Variants in COQ7 observed in about 807,000 individuals in gnomAD.
The protein encoded by COQ7 is coenzyme Q7, hydroxylase, also known as NADPH-dependent 3-demethoxyubiquinone 3-hydroxylase, mitochondrial.
Under a neutral mutation model 25.0 loss-of-function variants are expected in COQ7, and 21 were observed. The ratio of observed to expected loss-of-function variants is 0.84; its 90% CI spans 0.60 to 1.21. COQ7 has a LOEUF of 1.21. Among genes scored for constraint, COQ7 ranks in the 50% most tolerant of loss-of-function variants. The pLI is 0.00. For missense variants in COQ7, 311 were observed against 296.2 expected (o/e 1.05, Z -0.37); for synonymous variants, 125 against 112.4 (o/e 1.11, Z -0.71).
In COQ7 at chr16:19,078,432, A is replaced by G. The variant is rs189337490; in HGVS notation, c.*274A>G. 192 of 221,324 alleles carry G rather than the reference A, an allele frequency of 8.7e-4. No individual in the cohort carries two copies. Among genetic ancestry groups the G allele is most frequent in the African/African-American group, 4.2e-3 (183 of 43,992 alleles). The allele number at this position is 221,324 out of a possible 1,614,324, so 13.7% of individuals were successfully genotyped here. A position where few individuals can be genotyped will look rare whatever the true frequency, so the allele number is the denominator to read the frequency against. On this transcript the variant is annotated 3_prime_UTR_variant, in exon 6 of 6. Transcript: ENST00000321998. ...TCTCATACTTAATTTTCTTTTATAT[A>G]CATGTTTTTCTTTTACATGCATATA...
At chr16:19,071,629 G>C (rs1309702883) in intron 1 of COQ7, among the ~76,000 whole-genome samples, 1 of 152,234 alleles carries the variant, frequency 6.6e-6, no homozygotes, top group Non-Finnish European at 1.5e-5. Flanking sequence ...GTGGGCCAGA[G>C]GGTTGGTGAA....
At chr16:19,069,409 C>CTTTTT (rs67523316) in intron 1 of COQ7, among the ~76,000 whole-genome samples, 4 of 119,350 alleles carry the variant, frequency 3.4e-5, no homozygotes, top group Non-Finnish European at 5.0e-5. Context: ...TGATTATTGC[C>CTTTTT]TTTTTTTTTT....
rs1218936085 is a variant in COQ7 at position 19,067,726 on chromosome 16, G to A, written c.62G>A (p.Arg21Gln). 6.2e-7 allele frequency: 1 copy of A among 1,604,960 alleles called. No individual in the cohort carries two copies. Among genetic ancestry groups the A allele is most frequent in the Admixed American group, 1.7e-5 (1 of 58,260 alleles). ...TGGCGGCTGCGCCCGGGGGCCCGGC[G>A]GTCCCTCTCAGGTAAAAGGAGGCGC... ...RLWRLRPGARRSLSAYGRRTS... is the reference protein window; with the variant it reads ...RLWRLRPGARQSLSAYGRRTS... Residue 21 changes from arginine (R) to glutamine (Q), a missense_variant, in exon 1 of 6, where the codon CGG becomes CAG. Coordinates refer to ENST00000321998, the MANE Select transcript of COQ7 (RefSeq NM_016138.5).
chr16:19,076,651 GT>G (rs1418427166), intron 4 of COQ7, among the ~76,000 whole-genome samples: 1 of 141,446 alleles, frequency 7.1e-6, no homozygotes, highest in Admixed American at 7.7e-5. Context: ...CTGGAGTGCA[GT>G]GGTCTCCGCC....
rs1002901097 is a variant in COQ7 at position 19,079,403 on chromosome 16, C to G, written c.*1245C>G. ...CTTAAGGTCTTTTACCACCTCCCCC[C>G]CAAAAAAATCCCCCAAAACTGATTC... On this transcript the variant is annotated 3_prime_UTR_variant, in exon 6 of 6. Coordinates refer to ENST00000321998, the MANE Select transcript of COQ7 (RefSeq NM_016138.5). The G allele has an allele frequency of 1.3e-5, 2 of 151,608 alleles. No homozygotes were observed. Among genetic ancestry groups the G allele is most frequent in the Admixed American group, 6.6e-5 (1 of 15,172 alleles). 9.4% of individuals were successfully genotyped at this position (151,608 alleles called of 1,614,324 possible).
downstream of COQ7, among the ~76,000 whole-genome samples, chr16:19,080,622 T>C (rs117025784): frequency 3.5e-3 from 529 of 152,230 alleles, 1 homozygote; most frequent in Non-Finnish European, 5.2e-3. Context: ...ATTGCCAAAA[T>C]AAGAATAATG....
intron 3 of COQ7, among the ~76,000 whole-genome samples, chr16:19,074,970 T>G (rs1398792765): frequency 6.6e-6 from 1 of 152,186 alleles, no homozygotes; most frequent in East Asian, 1.9e-4. Context: ...CTGTTCACTC[T>G]TTTAAAAAAC....
At chr16:19,068,889 A>AT (rs1962395099) in intron 1 of COQ7, 1 of 337,064 alleles carries the variant, frequency 3.0e-6, no homozygotes, top group Non-Finnish European at 5.8e-6. Flanking sequence ...GTGAGTAATC[A>AT]TTAAAAAAAA....
chr16:19,068,080 T>C (rs1035313833), intron 1 of COQ7: 2 of 1,152,976 alleles, frequency 1.7e-6, no homozygotes, highest in Non-Finnish European at 2.1e-6. Flanking sequence ...GTCTCTCTCT[T>C]TGTAGTCTTT....
Position 19,078,102 on chromosome 16 carries a change from A to AT in COQ7, c.598_599insT (p.Lys200IlefsTer54). On this transcript the variant is annotated frameshift_variant, in exon 6 of 6. Coordinates refer to ENST00000321998, the MANE Select transcript of COQ7 (RefSeq NM_016138.5). LOFTEE classifies it high-confidence loss of function. ...ACAGGCTCCAGCCTATGCCGTCCTG[A>AT]AGAGCATTATCCAGGCCGGATGCAG... 6.2e-7 allele frequency: 1 copy of AT among 1,611,556 alleles called. No homozygotes were observed. Among genetic ancestry groups the AT allele is most frequent in the East Asian group, 2.2e-5 (1 of 44,636 alleles).
In COQ7 at chr16:19,078,895, A is replaced by G. The variant is rs1156562563; in HGVS notation, c.*737A>G. 3 of 152,244 alleles carry G rather than the reference A, an allele frequency of 2.0e-5. No homozygotes were observed. Among genetic ancestry groups the G allele is most frequent in the African/African-American group, 7.2e-5 (3 of 41,470 alleles). 9.4% of individuals were successfully genotyped at this position (152,244 alleles called of 1,614,324 possible). ...TTGGCCAAGCAGAACTATGAAGTCC[A>G]TCAAGTAAGTCAAAGATCATCGTTT... On this transcript the variant is annotated 3_prime_UTR_variant, in exon 6 of 6. Coordinates refer to ENST00000321998, the MANE Select transcript of COQ7 (RefSeq NM_016138.5).
downstream of COQ7, among the ~76,000 whole-genome samples, chr16:19,081,465 A>G (rs939155338): frequency 2.0e-5 from 3 of 152,176 alleles, no homozygotes; most frequent in African/African-American, 4.8e-5. Flanking sequence ...TGTGATGAGT[A>G]AAGAATGTCA....
At chr16:19,082,896 A>G (rs1278526900), downstream of COQ7, among the ~76,000 whole-genome samples, 2 of 152,168 alleles carry the variant, frequency 1.3e-5, no homozygotes, top group Non-Finnish European at 2.9e-5. Flanking sequence ...AATGTCCAGA[A>G]TAGGCAAATC....
intron 2 of COQ7, among the ~76,000 whole-genome samples, 173 bp from the exon 3 acceptor site, chr16:19,073,748 C>T (rs116537657): frequency 7.4e-4 from 112 of 152,244 alleles, no homozygotes; most frequent in African/African-American, 2.6e-3. Flanking sequence ...TTCTCTTTGT[C>T]ACAGATTCCT....
intron 5 of COQ7, 84 bp downstream of exon 5, chr16:19,077,458 A>T: frequency 8.4e-7 from 1 of 1,188,164 alleles, no homozygotes; most frequent in East Asian, 2.4e-5. Flanking sequence ...TGCCAGAAAA[A>T]TACATTTTAA....
rs751205914 is a variant in COQ7 at position 19,067,762 on chromosome 16, T to A, written c.73+25T>A. 2.5e-6 allele frequency: 4 copies of A among 1,590,934 alleles called. No individual in the cohort carries two copies. In the South Asian group the frequency reaches 4.4e-5, roughly 18 times the overall value. ...GGTAAAAGGAGGCGCGCAGTCACAG[T>A]CCTGCGCCGGTCTAGCGAGCTAGGG... On this transcript the variant is annotated intron_variant, in intron 1 of 5. Coordinates refer to ENST00000321998, the MANE Select transcript of COQ7 (RefSeq NM_016138.5).
downstream of COQ7, among the ~76,000 whole-genome samples, chr16:19,081,008 T>C (rs1284882220): frequency 6.6e-6 from 1 of 152,180 alleles, no homozygotes; most frequent in African/African-American, 2.4e-5. Context: ...GAAATATTCA[T>C]GAATATCAAG....
At chr16:19,076,200 C>G (rs1962830014) in intron 4 of COQ7, among the ~76,000 whole-genome samples, 1 of 151,850 alleles carries the variant, frequency 6.6e-6, no homozygotes, top group South Asian at 2.1e-4. Context: ...GATCCTCCTG[C>G]CTCAGCCTCC....
intron 1 of COQ7, 51 bp from the exon 2 acceptor site, chr16:19,071,876 GA>G: frequency 6.2e-7 from 1 of 1,603,018 alleles, no homozygotes. Flanking sequence ...TCTGTAAAAG[GA>G]ACATCTGGAT....
Sources: gnomAD v4.1 joint callset for allele counts (sites outside exome capture counted in the v4.1 genomes callset) on GRCh38, gnomAD v4.1.1 for gene constraint, MANE v1.5 for transcripts, NCBI Gene and HGNC (gene_info 2026-07-23, HGNC 2026-07-21) for gene names.